The following DPP10 variants were observed in gnomAD, a reference collection of about 807,000 sequenced individuals.
DPP10 encodes the protein dipeptidyl peptidase like 10.
Under a neutral mutation model 120.9 loss-of-function variants are expected in DPP10, and 33 were observed. That is an observed-to-expected ratio of 0.27 (90% confidence interval 0.21 to 0.37). The LOEUF is 0.37. Ranked by LOEUF, DPP10 falls within the 10% of genes least tolerant of loss-of-function variation. The probability of loss-of-function intolerance (pLI) is 1.00; values close to 1 mark genes in which losing one functional copy is unlikely to be tolerated. For missense variants in DPP10, 816 were observed against 942.8 expected (o/e 0.87, Z 1.76); for synonymous variants, 337 against 326.1 (o/e 1.03, Z -0.36).
chr2:115,352,575 T>C (rs1049334591), intron 3 of DPP10, among the ~76,000 whole-genome samples: 5 of 152,154 alleles, frequency 3.3e-5, no homozygotes, highest in Admixed American at 2.6e-4. Context: ...CCAACATGTA[T>C]TGAAAAGATT....
At chr2:114,682,825 C>G (rs1699118918) in intron 1 of DPP10, among the ~76,000 whole-genome samples, 1 of 151,264 alleles carries the variant, frequency 6.6e-6, no homozygotes, top group South Asian at 2.1e-4. Flanking sequence ...GATATAGAAT[C>G]ACATATAGAT....
intron 13 of DPP10, among the ~76,000 whole-genome samples, chr2:115,771,540 T>G (rs558798421): frequency 2.6e-5 from 4 of 152,362 alleles, no homozygotes; most frequent in Admixed American, 2.6e-4. Context: ...GGTATATCCA[T>G]ACGAATGTAT....
At chr2:114,567,640 A>C (rs973755152) in intron 1 of DPP10, among the ~76,000 whole-genome samples, 1 of 152,204 alleles carries the variant, frequency 6.6e-6, no homozygotes, top group Non-Finnish European at 1.5e-5. Context: ...GCATATTGGC[A>C]TATTGGTTTC....
intron 1 of DPP10, among the ~76,000 whole-genome samples, chr2:115,279,647 T>A (rs1486943303): frequency 7.5e-6 from 1 of 133,510 alleles, no homozygotes; most frequent in Admixed American, 8.4e-5. Flanking sequence ...CTTTCTTTTT[T>A]TCTTCTTCTT....
intron 1 of DPP10, among the ~76,000 whole-genome samples, chr2:114,906,747 G>A (rs1359760891): frequency 1.3e-5 from 2 of 152,000 alleles, no homozygotes; most frequent in Non-Finnish European, 2.9e-5. Flanking sequence ...TGTGTTGCTG[G>A]CTTTGTTGTC....
At position 115,187,019 on chromosome 2, in the gene DPP10, C is replaced by CTTT. The variant is rs147014349; in HGVS notation, c.61-122186_61-122184dup. Among the ~76,000 whole-genome samples the CTTT allele has an allele frequency of 5.7e-4, 36 of 63,180 alleles. 5 individuals carry two copies. Among genetic ancestry groups the CTTT allele is most frequent in the African/African-American group, 1.8e-3 (35 of 19,094 alleles). The allele number at this position is 63,180 out of a possible 152,430, so 41.4% of individuals were successfully genotyped here. ...GAATTCAGAAGGTGGTGCAAAGATT[C>CTTT]TTTTTTTTTTTTTTTTTTTTTTTTT... On this transcript the variant is annotated intron_variant, in intron 1 of 25. Transcript: ENST00000410059.
chr2:115,014,244 A>G (rs1276162939), intron 1 of DPP10, among the ~76,000 whole-genome samples: 1 of 152,170 alleles, frequency 6.6e-6, no homozygotes, highest in East Asian at 1.9e-4. Context: ...CTGAATGACT[A>G]CTGGGTAATT....
At chr2:115,081,065 T>C (rs1401198383) in intron 1 of DPP10, among the ~76,000 whole-genome samples, 10 of 152,208 alleles carry the variant, frequency 6.6e-5, no homozygotes, top group Non-Finnish European at 1.0e-4. Context: ...CTCAGTCTTT[T>C]TTTCCCCCAG....
intron 1 of DPP10, among the ~76,000 whole-genome samples, chr2:114,829,666 C>T (rs1356057052): frequency 5.3e-5 from 8 of 151,836 alleles, no homozygotes; most frequent in Admixed American, 5.2e-4. Context: ...CGTGAGCCAC[C>T]GTGCCTGGCC....
At chr2:115,699,896 G>T (rs1251856845) in intron 7 of DPP10, among the ~76,000 whole-genome samples, 2 of 152,172 alleles carry the variant, frequency 1.3e-5, no homozygotes, top group Non-Finnish European at 2.9e-5. Flanking sequence ...CAATGTAATT[G>T]TATTAGTCCC....
chr2:115,440,209 G>C (rs894289444), intron 3 of DPP10, among the ~76,000 whole-genome samples: 8 of 151,986 alleles, frequency 5.3e-5, no homozygotes, highest in Non-Finnish European at 8.8e-5. Context: ...TATATGAAAA[G>C]TGAAGTTGAA....
chr2:115,027,767 T>G (rs755270874), intron 1 of DPP10, among the ~76,000 whole-genome samples: 1 of 152,134 alleles, frequency 6.6e-6, no homozygotes, highest in African/African-American at 2.4e-5. Context: ...GAGAGACTTT[T>G]TATTATGACT....
chr2:115,358,284 G>A (rs6714356), intron 3 of DPP10, among the ~76,000 whole-genome samples: 104,303 of 152,046 alleles, frequency 0.69, 36,244 homozygotes, highest in Admixed American at 0.76. Context: ...GTCTCACTCA[G>A]ATTCAAAGTT....
intron 3 of DPP10, among the ~76,000 whole-genome samples, chr2:115,384,719 G>GAAA (rs1018933968): frequency 6.6e-6 from 1 of 151,810 alleles, no homozygotes; most frequent in African/African-American, 2.4e-5. Flanking sequence ...AGAAGAAGAA[G>GAAA]AAGAAGAAGA....
intron 1 of DPP10, among the ~76,000 whole-genome samples, chr2:115,098,630 T>C (rs755775902): frequency 6.6e-6 from 1 of 152,128 alleles, no homozygotes; most frequent in African/African-American, 2.4e-5. Flanking sequence ...CACCATTGTA[T>C]AGGCGGCCCA....
chr2:114,832,484 G>A (rs1478506707), intron 1 of DPP10, among the ~76,000 whole-genome samples: 2 of 152,160 alleles, frequency 1.3e-5, no homozygotes, highest in Non-Finnish European at 2.9e-5. Flanking sequence ...GCAGTGAGCC[G>A]AGATCGCACC....
intron 1 of DPP10, among the ~76,000 whole-genome samples, chr2:115,273,025 C>CTT (rs113745670): frequency 2.0e-5 from 3 of 147,358 alleles, no homozygotes; most frequent in African/African-American, 7.4e-5. Flanking sequence ...TCAGGAAAAA[C>CTT]TTTTTTTTTT....
intron 1 of DPP10, among the ~76,000 whole-genome samples, chr2:114,608,528 C>A (rs2105269853): frequency 6.6e-6 from 1 of 152,166 alleles, no homozygotes; most frequent in African/African-American, 2.4e-5. Context: ...CTTCACAACC[C>A]TAAGATATAA....
intron 1 of DPP10, among the ~76,000 whole-genome samples, chr2:114,818,919 C>G (rs1685857386): frequency 6.6e-6 from 1 of 152,064 alleles, no homozygotes; most frequent in South Asian, 2.1e-4. Context: ...TTTCTTCAAG[C>G]AACTATATGT....
Sources: allele counts gnomAD v4.1 joint callset (sites outside exome capture counted in the v4.1 genomes callset), GRCh38; gene constraint gnomAD v4.1.1; transcripts MANE v1.5; gene names NCBI Gene and HGNC (gene_info 2026-07-23, HGNC 2026-07-21).